Variants in NUAK1 observed in about 807,000 individuals in gnomAD.
NUAK1 encodes the protein NUAK family kinase 1.
In NUAK1, 26 loss-of-function variants were observed where a neutral mutation model predicts 56.9. The ratio of observed to expected loss-of-function variants is 0.46; its 90% CI spans 0.33 to 0.63. The LOEUF is 0.63. NUAK1 is among the 30% of genes least tolerant of loss of function. The pLI is 0.02. For synonymous variants in NUAK1, 337 were observed against 336.0 expected, an observed-to-expected ratio of 1.00 and a Z score of -0.03; for missense variants, 727 against 876.1, an observed-to-expected ratio of 0.83 and a Z score of 2.15.
Position 106,067,986 on chromosome 12 carries a change from A to G in NUAK1, c.833-31T>C, listed in dbSNP as rs767235569. 55 of 1,564,926 alleles carry G rather than the reference A, an allele frequency of 3.5e-5. 1 individual carries two copies. In the South Asian group the frequency reaches 6.6e-4, roughly 19 times the overall value. On this transcript the variant is annotated intron_variant, in intron 6 of 6. Coordinates refer to ENST00000261402, the MANE Select transcript of NUAK1 (RefSeq NM_014840.3). The surrounding 1 kb of genome is among the most constrained non-coding windows in gnomAD (Gnocchi z 6.0). ...GGACAAGGGACAAAAAGAATCGGGC[A>G]TTATGTGGGAGCTTCTGGCTTTGTG...
chr12:106,115,510 G>A (rs186660188), intron 1 of NUAK1, among the ~76,000 whole-genome samples: 77 of 152,282 alleles, frequency 5.1e-4, no homozygotes, highest in African/African-American at 1.8e-3. Flanking sequence ...AGGAGCCCCC[G>A]AGGCCTCTCT....
chr12:106,090,985 G>A (rs556504356), intron 2 of NUAK1, among the ~76,000 whole-genome samples: 2 of 152,306 alleles, frequency 1.3e-5, no homozygotes, highest in South Asian at 2.1e-4. Context: ...ACTGAAGAAT[G>A]AGCAGCTTCC....
At chr12:106,108,036 G>A (rs1333418475) in intron 1 of NUAK1, among the ~76,000 whole-genome samples, 1 of 152,014 alleles carries the variant, frequency 6.6e-6, no homozygotes, top group Admixed American at 6.6e-5. Flanking sequence ...AAAACATTTA[G>A]TGTAGGCAGG....
At chr12:106,104,812 A>C (rs943604849) in intron 2 of NUAK1, among the ~76,000 whole-genome samples, 3 of 152,222 alleles carry the variant, frequency 2.0e-5, no homozygotes, top group African/African-American at 7.2e-5. Context: ...CAGCAGAAAA[A>C]AAGAATGGCA....
At chr12:106,098,483 C>T (rs1436280409) in intron 2 of NUAK1, among the ~76,000 whole-genome samples, 1 of 152,144 alleles carries the variant, frequency 6.6e-6, no homozygotes, top group Non-Finnish European at 1.5e-5. Flanking sequence ...AAAGAGGCTT[C>T]CTACTTTGTC....
chr12:106,124,858 A>C (rs185220708), intron 1 of NUAK1, among the ~76,000 whole-genome samples: 5 of 152,030 alleles, frequency 3.3e-5, no homozygotes, highest in Admixed American at 1.3e-4. Flanking sequence ...TCAGCTAGGC[A>C]TGGTGGTGCA....
intron 1 of NUAK1, among the ~76,000 whole-genome samples, chr12:106,120,902 C>A (rs1215957828): frequency 6.6e-6 from 1 of 152,162 alleles, no homozygotes; most frequent in Non-Finnish European, 1.5e-5. Flanking sequence ...AGAGCAGACC[C>A]TTGAACTTCT....
chr12:106,095,480 A>T (rs2136466749), intron 2 of NUAK1, among the ~76,000 whole-genome samples: 1 of 152,282 alleles, frequency 6.6e-6, no homozygotes, highest in Non-Finnish European at 1.5e-5. Flanking sequence ...GCCACTTCCC[A>T]GTTGGGTGAC....
intron 1 of NUAK1, among the ~76,000 whole-genome samples, chr12:106,124,149 T>C (rs952080552): frequency 6.6e-6 from 1 of 152,188 alleles, no homozygotes; most frequent in African/African-American, 2.4e-5. Context: ...TTGTTTTCTC[T>C]GCGGTTTGCA....
chr12:106,067,084 A>T lies in NUAK1; in HGVS notation c.1704T>A (p.Pro568=). 1 of 1,614,218 alleles carries T rather than the reference A, an allele frequency of 6.2e-7. No homozygotes were observed. Among genetic ancestry groups the T allele is most frequent in the Non-Finnish European group, 8.5e-7 (1 of 1,180,028 alleles). ...CGCTGTCATCGCTGATGACACTGGA[A>T]GGGCGGCTGTAGCTCCGGGAGAGGC... is the stretch of plus-strand genomic sequence containing the variant. ...AEGLSRSYSR[P]SSVISDDSVL... Residue 568 remains proline (P), a synonymous_variant, in exon 7 of 7, where the codon CCT becomes CCA. Coordinates refer to ENST00000261402, the MANE Select transcript of NUAK1 (RefSeq NM_014840.3). This position sits in a 1 kb window ranked among gnomAD's most constrained non-coding sequence, Gnocchi z 6.0.
chr12:106,135,894 A>T (rs968895887), intron 1 of NUAK1, among the ~76,000 whole-genome samples: 7 of 152,226 alleles, frequency 4.6e-5, no homozygotes, highest in African/African-American at 1.7e-4. Context: ...TGTATGGGCA[A>T]GAACAACTCG....
At chr12:106,082,875 T>C (rs2032531493) in intron 4 of NUAK1, among the ~76,000 whole-genome samples, 1 of 152,194 alleles carries the variant, frequency 6.6e-6, no homozygotes, top group Non-Finnish European at 1.5e-5. Flanking sequence ...TCCCATGCTT[T>C]GCCCAGGGAC....
At chr12:106,075,254 C>T (rs1234335509) in intron 4 of NUAK1, among the ~76,000 whole-genome samples, 1 of 149,250 alleles carries the variant, frequency 6.7e-6, no homozygotes, top group African/African-American at 2.5e-5. Flanking sequence ...AGCCTGTGTT[C>T]TTGGCACTTC....
chr12:106,101,329 C>T (rs1199745201), intron 2 of NUAK1, among the ~76,000 whole-genome samples: 1 of 152,250 alleles, frequency 6.6e-6, no homozygotes, highest in Non-Finnish European at 1.5e-5. Context: ...CCATGACCCC[C>T]AGTGTGATGA....
chr12:106,113,130 C>G (rs1422754000), intron 1 of NUAK1, among the ~76,000 whole-genome samples: 1 of 152,186 alleles, frequency 6.6e-6, no homozygotes, highest in East Asian at 1.9e-4. Context: ...GACTCACCCC[C>G]ACCCCTCTCC....
chr12:106,086,177 C>T (rs987098358), intron 3 of NUAK1, among the ~76,000 whole-genome samples: 16 of 152,088 alleles, frequency 1.1e-4, no homozygotes, highest in Non-Finnish European at 1.8e-4. Flanking sequence ...CACTATTTGT[C>T]ATAATCAGAA....
intron 4 of NUAK1, among the ~76,000 whole-genome samples, chr12:106,079,843 A>G (rs959284430): frequency 2.0e-5 from 3 of 152,236 alleles, no homozygotes; most frequent in Non-Finnish European, 4.4e-5. Flanking sequence ...TATCACTGCT[A>G]GTTTAACAAC....
At chr12:106,127,784 C>A (rs1335657912) in intron 1 of NUAK1, among the ~76,000 whole-genome samples, 2 of 152,050 alleles carry the variant, frequency 1.3e-5, no homozygotes, top group African/African-American at 4.8e-5. Flanking sequence ...TGGAAGGGAC[C>A]CTTAAGGACA....
intron 2 of NUAK1, among the ~76,000 whole-genome samples, chr12:106,102,537 A>G (rs906180272): frequency 6.6e-6 from 1 of 152,176 alleles, no homozygotes; most frequent in Non-Finnish European, 1.5e-5. Context: ...GTTGGACAGC[A>G]TAGTTACATA....
Sources: gnomAD v4.1 joint callset for allele counts (sites outside exome capture counted in the v4.1 genomes callset) on GRCh38, gnomAD v4.1.1 for gene constraint, Gnocchi (gnomAD v3.1) non-coding constraint, MANE v1.5 for transcripts, NCBI Gene and HGNC (gene_info 2026-07-23, HGNC 2026-07-21) for gene names.